The following CBR4 variants were observed in gnomAD, a reference collection of about 807,000 sequenced individuals.
The protein encoded by CBR4 is 3-oxoacyl-[acyl-carrier-protein] reductase.
A neutral mutation model predicts 21.0 loss-of-function variants in CBR4; 22 were observed. The observed-to-expected ratio is 1.05, with a 90% CI of 0.75 to 1.50. The LOEUF is 1.50. Among genes scored for constraint, CBR4 ranks in the 40% most tolerant of loss-of-function variants. CBR4 has a pLI of 0.00. For missense variants in CBR4, 302 were observed against 286.3 expected (o/e 1.05, Z -0.40); for synonymous variants, 100 against 104.4 (o/e 0.96, Z 0.26).
intron 4 of CBR4, among the ~76,000 whole-genome samples, chr4:168,998,948 C>T (rs1318302318): frequency 1.3e-5 from 2 of 152,064 alleles, no homozygotes; most frequent in Admixed American, 1.3e-4. Flanking sequence ...CTCTTTATGC[C>T]TTTTTGTACT....
intron 2 of CBR4, among the ~76,000 whole-genome samples, chr4:168,966,816 A>G (rs1764052395): frequency 6.6e-6 from 1 of 152,150 alleles, no homozygotes; most frequent in South Asian, 2.1e-4. Context: ...CAGGAGATCA[A>G]GACCATCCTG....
chr4:168,936,117 C>T (rs567031337), intron 2 of CBR4, among the ~76,000 whole-genome samples: 10 of 152,304 alleles, frequency 6.6e-5, no homozygotes, highest in African/African-American at 9.6e-5. Flanking sequence ...CTGCAGCCTC[C>T]GCTGGTGATA....
intron 2 of CBR4, among the ~76,000 whole-genome samples, chr4:168,909,582 C>T (rs758066255): frequency 3.2e-4 from 48 of 152,110 alleles, no homozygotes; most frequent in Non-Finnish European, 5.6e-4. Context: ...GGTTTCCTGG[C>T]TCATTTCAAG....
At chr4:168,986,526 G>A (rs1764696414), downstream of CBR4, among the ~76,000 whole-genome samples, 1 of 152,164 alleles carries the variant, frequency 6.6e-6, no homozygotes, top group Non-Finnish European at 1.5e-5. Flanking sequence ...GTGAGCTCCA[G>A]AAACTTCGAG....
At position 168,914,648 on chromosome 4, in the gene CBR4, TG is replaced by T. The variant is rs569078167; in HGVS notation, n.170-19884del. On this transcript the variant is annotated intron_variant and non_coding_transcript_variant, in intron 2 of 3. Transcript: ENST00000509108. ...GATTATTACTTCTTAGTAACACATT[TG>T]CACTTAAAAAAAATTCAGTAAGTCA... 1.3e-3 allele frequency among the ~76,000 whole-genome samples: 204 copies of T among 152,346 alleles called. 1 individual carries two copies. The highest frequency in any genetic ancestry group is 4.2e-3 in the African/African-American group (176 of 41,576).
intron 2 of CBR4, among the ~76,000 whole-genome samples, chr4:168,908,032 C>G (rs970343625): frequency 2.0e-5 from 3 of 152,170 alleles, no homozygotes; most frequent in African/African-American, 7.2e-5. Context: ...GAAGTCTAGG[C>G]CTCAGTGTGT....
At chr4:168,990,584 GCAC>G (rs1764870146) in intron 4 of CBR4, among the ~76,000 whole-genome samples, 1 of 151,918 alleles carries the variant, frequency 6.6e-6, no homozygotes, top group African/African-American at 2.4e-5. Flanking sequence ...CTATAGGCAT[GCAC>G]CACCACACCT....
intron 2 of CBR4, among the ~76,000 whole-genome samples, chr4:168,977,740 A>C (rs1764414636): frequency 6.6e-6 from 1 of 152,234 alleles, no homozygotes; most frequent in Non-Finnish European, 1.5e-5. Flanking sequence ...GCCGAATACC[A>C]ACAAACCTGC....
At chr4:168,939,754 G>A (rs969148838) in intron 2 of CBR4, among the ~76,000 whole-genome samples, 1 of 152,094 alleles carries the variant, frequency 6.6e-6, no homozygotes, top group African/African-American at 2.4e-5. Context: ...TCTCTTCAAG[G>A]AGAACTACAA....
At chr4:168,959,238 A>C (rs866423730) in intron 2 of CBR4, among the ~76,000 whole-genome samples, 7 of 152,150 alleles carry the variant, frequency 4.6e-5, no homozygotes, top group Middle Eastern at 3.4e-3. Context: ...ATTAAGGTTC[A>C]TTTTTTTCAC....
intron 2 of CBR4, among the ~76,000 whole-genome samples, chr4:168,945,348 G>A (rs935884869): frequency 6.6e-6 from 1 of 152,164 alleles, no homozygotes; most frequent in Non-Finnish European, 1.5e-5. Context: ...CAAGAACCTC[G>A]AAGAATCTCT....
At chr4:168,953,956 A>G (rs1763616668) in intron 2 of CBR4, among the ~76,000 whole-genome samples, 1 of 152,194 alleles carries the variant, frequency 6.6e-6, no homozygotes, top group South Asian at 2.1e-4. Flanking sequence ...ATATTTAGAA[A>G]AGGAACTCTC....
chr4:168,992,520 A>G (rs1764974647), intron 4 of CBR4, among the ~76,000 whole-genome samples: 1 of 152,160 alleles, frequency 6.6e-6, no homozygotes, highest in Non-Finnish European at 1.5e-5. Flanking sequence ...TGAATAAGAT[A>G]AAAATAAAAA....
rs1192169232 is a variant in CBR4, at chr4:168,941,197, G to GGATAGCATTAGGA, written n.170-46445_170-46433dup. Among the ~76,000 whole-genome samples the GGATAGCATTAGGA allele has an allele frequency of 2.6e-5, 4 of 152,192 alleles. No homozygotes were observed. The East Asian group carries it at 7.7e-4, about 29-fold the overall frequency. ...TGTCGGGGGTGGGGGCCTGGGGAAG[G>GGATAGCATTAGGA]GATAGCATTAGGAGAAAGACCTAAT... On this transcript the variant is annotated intron_variant and non_coding_transcript_variant, in intron 2 of 3. Transcript: ENST00000509108.
Position 168,988,957 on chromosome 4 carries a change from T to C in CBR4, c.*1193A>G, listed in dbSNP as rs753154076. On this transcript the variant is annotated 3_prime_UTR_variant, in exon 5 of 5. Transcript: ENST00000306193. ...AACATGAATGGAGTGACACTGAAAA[T>C]ATCATACTATTCCCGATAAAAAGAG... is the stretch of plus-strand genomic sequence containing the variant. The C allele has an allele frequency of 9.6e-5, 94 of 983,070 alleles. No homozygotes were observed. The highest frequency in any genetic ancestry group is 1.1e-4 in the Non-Finnish European group (94 of 827,966). 60.9% of individuals were successfully genotyped at this position (983,070 alleles called of 1,614,324 possible).
chr4:168,955,971 A>C (rs867212738), intron 2 of CBR4, among the ~76,000 whole-genome samples: 21 of 152,094 alleles, frequency 1.4e-4, no homozygotes, highest in African/African-American at 5.1e-4. Flanking sequence ...ATTTACTTCT[A>C]ACTGACCCCT....
At chr4:168,961,966 AGGAGAGGAGAGGAGAGGAGAGGAG>A (rs1763872679) in intron 2 of CBR4, among the ~76,000 whole-genome samples, 3 of 17,652 alleles carry the variant, frequency 1.7e-4, no homozygotes, top group South Asian at 3.7e-3. Flanking sequence ...AGGAGAGGAG[AGGAGAGGAGAGGAGAGGAGAGGAG>A]AGGAAAGGAA....
At chr4:168,946,276 G>C (rs1763394802) in intron 2 of CBR4, among the ~76,000 whole-genome samples, 1 of 152,210 alleles carries the variant, frequency 6.6e-6, no homozygotes, top group Admixed American at 6.5e-5. Flanking sequence ...CCAGGCAGGA[G>C]AGTCTTCTCT....
chr4:169,008,799 A>G (rs545399348), intron 1 of CBR4, among the ~76,000 whole-genome samples: 4 of 152,200 alleles, frequency 2.6e-5, no homozygotes, highest in Non-Finnish European at 1.5e-5. Flanking sequence ...ATGGTAAGGA[A>G]TATGAGCTTC....
Sources: gnomAD v4.1 joint callset for allele counts (sites outside exome capture counted in the v4.1 genomes callset) on GRCh38, gnomAD v4.1.1 for gene constraint, MANE v1.5 for transcripts, NCBI Gene and HGNC (gene_info 2026-07-23, HGNC 2026-07-21) for gene names.